HDGFL3: variants seen among roughly 807,000 people sequenced by gnomAD.
The protein encoded by HDGFL3 is hepatoma-derived growth factor-related protein 3.
HDGFL3 carries 6 observed loss-of-function variants against 27.6 expected under a neutral mutation model. The ratio of observed to expected loss-of-function variants is 0.22; its 90% CI spans 0.12 to 0.43. HDGFL3 has a LOEUF of 0.43. HDGFL3 is among the 20% of genes least tolerant of loss of function. HDGFL3 has a pLI of 1.00. For missense variants in HDGFL3, 207 were observed against 250.1 expected, an observed-to-expected ratio of 0.83 and a Z score of 1.16; for synonymous variants, 88 against 88.9, an observed-to-expected ratio of 0.99 and a Z score of 0.05.
chr15:83,140,939 ACCCCAAACAAAGTGAAGGGAG>A (rs1476999837), intron 5 of HDGFL3, among the ~76,000 whole-genome samples: 1 of 152,184 alleles, frequency 6.6e-6, no homozygotes. Context: ...TAGTATTAAT[ACCCCAAACAAAGTGAAGGGAG>A]CACCAAGAAT....
At position 83,133,090 on chromosome 15, in the gene HDGFL3, T is replaced by A. The variant is rs2036363651; in HGVS notation, c.*6180A>T. 1 of 152,206 alleles carries A rather than the reference T, an allele frequency of 6.6e-6. No homozygotes were observed. The highest frequency in any genetic ancestry group is 2.1e-4 in the South Asian group (1 of 4,830). The allele number at this position is 152,206 out of a possible 1,614,324, so 9.4% of individuals were successfully genotyped here. A position where few individuals can be genotyped will look rare whatever the true frequency, so the allele number is the denominator to read the frequency against. ...CTCACTGAACCCTCATAACAACCTATGAGGTGGGTTCCACACCTCACCCGA... is the reference window on the plus strand; with the variant it reads ...CTCACTGAACCCTCATAACAACCTAAGAGGTGGGTTCCACACCTCACCCGA... On this transcript the variant is annotated 3_prime_UTR_variant, in exon 6 of 6. Coordinates refer to ENST00000299633, the MANE Select transcript of HDGFL3 (RefSeq NM_016073.4).
intron 1 of HDGFL3, chr15:83,180,818 G>A (rs2037371633): frequency 6.6e-6 from 1 of 151,916 alleles, no homozygotes; most frequent in Non-Finnish European, 1.5e-5. Context: ...GCTAATTTTA[G>A]TAGAGACAGG....
At chr15:83,112,751 T>C (rs1455232294) in exon 4 of HDGFL3, 23 of 1,341,814 alleles carry the variant, frequency 1.7e-5, no homozygotes, top group Non-Finnish European at 2.5e-5. Context: ...CAGGCACCAA[T>C]GTGTTTATTT....
At chr15:83,140,063 C>G (rs1342886566) in intron 5 of HDGFL3, among the ~76,000 whole-genome samples, 1 of 152,080 alleles carries the variant, frequency 6.6e-6, no homozygotes, top group Non-Finnish European at 1.5e-5. Flanking sequence ...TTTCTGAAAA[C>G]AGCCTGCTTC....
downstream of HDGFL3, chr15:83,127,567 A>C: frequency 2.1e-6 from 3 of 1,414,714 alleles, no homozygotes; most frequent in Non-Finnish European, 2.9e-6. Context: ...AGTGTTTTAG[A>C]CTAGGAGATA....
At position 83,203,502 on chromosome 15, in the gene HDGFL3, AAAAG is replaced by A. The variant is rs773707266; in HGVS notation, c.84+3825_84+3828del. 3.9e-5 allele frequency among the ~76,000 whole-genome samples: 6 copies of A among 152,094 alleles called. 1 individual carries two copies. Among genetic ancestry groups the A allele is most frequent in the Admixed American group, 6.5e-5 (1 of 15,272 alleles). ...TCACCAAATGAACAGGTGGCTAAAA[AAAAG>A]AAAGATTCCTACACAAAAATAATAT... On this transcript the variant is annotated intron_variant, in intron 1 of 5. Transcript: ENST00000299633.
At chr15:83,119,268 G>C (rs1314976891) in intron 3 of HDGFL3, among the ~76,000 whole-genome samples, 1 of 152,238 alleles carries the variant, frequency 6.6e-6, no homozygotes, top group Admixed American at 6.5e-5. Context: ...TGGTCTCCAT[G>C]AGTTTGCCAT....
chr15:83,115,206 C>A (rs571583376), exon 4 of HDGFL3: 3 of 157,246 alleles, frequency 1.9e-5, no homozygotes, highest in East Asian at 3.7e-4. Context: ...CAACCTCCGC[C>A]TCCTGGGTTC....
At chr15:83,127,649 C>A, downstream of HDGFL3, 1 of 638,094 alleles carries the variant, frequency 1.6e-6, no homozygotes, top group Non-Finnish European at 2.7e-6. Flanking sequence ...TTATTTCAAT[C>A]TCACAATAAC....
intron 3 of HDGFL3, chr15:83,115,767 T>C (rs1278196705): frequency 1.1e-6 from 1 of 939,472 alleles, no homozygotes; most frequent in Admixed American, 1.8e-5. Flanking sequence ...AACATTCCAT[T>C]ATTATTAGCT....
intron 1 of HDGFL3, among the ~76,000 whole-genome samples, chr15:83,203,586 T>C (rs1020306681): frequency 2.0e-5 from 3 of 152,052 alleles, no homozygotes; most frequent in East Asian, 3.9e-4. Context: ...GACACTTCTA[T>C]TCTAGAAAAT....
rs2037608109 is a variant in HDGFL3 at position 83,199,231 on chromosome 15, TA to T, written c.84+8099del. Among the ~76,000 whole-genome samples the T allele has an allele frequency of 3.9e-5, 6 of 152,312 alleles. No homozygotes were observed. In the South Asian group the frequency reaches 1.2e-3, roughly 32 times the overall value. The stretch of plus-strand genomic sequence containing the variant: ...CAATCCATTCAACATATGGTAACTC[TA>T]AAAGCATTAACTGAGAATTTATACT... On this transcript the variant is annotated intron_variant, in intron 1 of 5. Coordinates refer to ENST00000299633, the MANE Select transcript of HDGFL3 (RefSeq NM_016073.4).
intron 5 of HDGFL3, among the ~76,000 whole-genome samples, chr15:83,140,709 T>C (rs1439381664): frequency 6.6e-6 from 1 of 152,168 alleles, no homozygotes; most frequent in Non-Finnish European, 1.5e-5. Flanking sequence ...CTCAAACTCC[T>C]GACCTTGTGA....
chr15:83,163,335 T>A (rs1004486836), intron 2 of HDGFL3, among the ~76,000 whole-genome samples: 2 of 152,208 alleles, frequency 1.3e-5, no homozygotes, highest in African/African-American at 4.8e-5. Context: ...GCCTGCAAGA[T>A]GCACATGTGC....
At chr15:83,113,016 G>GC (rs1362808779) in exon 4 of HDGFL3, 2 of 859,634 alleles carry the variant, frequency 2.3e-6, no homozygotes, top group South Asian at 1.5e-5. Context: ...AACAGTGGCT[G>GC]CAAGTGTAGG....
At chr15:83,166,768 T>A (rs973840053) in intron 1 of HDGFL3, among the ~76,000 whole-genome samples, 4 of 152,066 alleles carry the variant, frequency 2.6e-5, no homozygotes, top group Non-Finnish European at 5.9e-5. Flanking sequence ...ATCTTACATG[T>A]CCAGAGCAGG....
downstream of HDGFL3, chr15:83,127,692 TGAG>T (rs1186383656): frequency 2.2e-6 from 1 of 455,260 alleles, no homozygotes; most frequent in Non-Finnish European, 3.9e-6. Context: ...GTTACACAGA[TGAG>T]GAAGTTATCT....
rs552496269 is a variant in HDGFL3 at position 83,207,153 on chromosome 15, G to A, written c.84+178C>T. 2.0e-5 allele frequency among the ~76,000 whole-genome samples: 3 copies of A among 152,298 alleles called. No homozygotes were observed. Among genetic ancestry groups the A allele is most frequent in the Admixed American group, 6.5e-5 (1 of 15,308 alleles). ...GCCCTGGCGGAGTGCGGGCGAGGCCGGGAGCCCTTGCCTCAGCCCCGGCCC... is the reference window on the plus strand; with the variant it reads ...GCCCTGGCGGAGTGCGGGCGAGGCCAGGAGCCCTTGCCTCAGCCCCGGCCC... On this transcript the variant is annotated intron_variant, in intron 1 of 5. Transcript: ENST00000299633. This position sits in a 1 kb window ranked among gnomAD's most constrained non-coding sequence, Gnocchi z 4.8.
intron 2 of HDGFL3, among the ~76,000 whole-genome samples, chr15:83,163,533 G>A (rs545576635): frequency 3.3e-5 from 5 of 152,272 alleles, no homozygotes; most frequent in African/African-American, 7.2e-5. Flanking sequence ...TTACATCAGT[G>A]TAGTCAGTAC....
Sources: gnomAD v4.1 joint callset for allele counts (sites outside exome capture counted in the v4.1 genomes callset) on GRCh38, gnomAD v4.1.1 for gene constraint, Gnocchi (gnomAD v3.1) non-coding constraint, MANE v1.5 for transcripts, NCBI Gene and HGNC (gene_info 2026-07-23, HGNC 2026-07-21) for gene names.